ERBB4: variants seen among roughly 807,000 people sequenced by gnomAD.
The protein encoded by ERBB4 is receptor tyrosine-protein kinase erbB-4.
In ERBB4, 42 loss-of-function variants were observed where a neutral mutation model predicts 158.0. The ratio of observed to expected loss-of-function variants is 0.27; its 90% CI spans 0.21 to 0.34. ERBB4 has a LOEUF of 0.34. Ranked by LOEUF, ERBB4 falls within the 10% of genes least tolerant of loss-of-function variation. The pLI, the probability that ERBB4 is intolerant of heterozygous loss-of-function variation, is 1.00. For synonymous variants in ERBB4, 583 were observed against 558.7 expected, an observed-to-expected ratio of 1.04 and a Z score of -0.61; for missense variants, 1,333 against 1,624.1, an observed-to-expected ratio of 0.82 and a Z score of 3.08.
intron 12 of ERBB4, among the ~76,000 whole-genome samples, chr2:211,689,645 A>G (rs191356832): frequency 1.3e-5 from 2 of 152,352 alleles, no homozygotes; most frequent in East Asian, 3.9e-4. Context: ...AATTCTATAT[A>G]ATAGACAAAG....
chr2:211,534,415 T>A (rs1476633779), intron 20 of ERBB4, among the ~76,000 whole-genome samples: 1 of 152,084 alleles, frequency 6.6e-6, no homozygotes, highest in Non-Finnish European at 1.5e-5. Context: ...TCTTCAAGAA[T>A]CTCCTTTGGA....
chr2:211,858,853 G>A (rs1036311125), intron 3 of ERBB4, among the ~76,000 whole-genome samples: 8 of 152,002 alleles, frequency 5.3e-5, no homozygotes, highest in Non-Finnish European at 7.4e-5. Flanking sequence ...TGCGATCTCC[G>A]CTCACTGCAA....
chr2:212,093,788 A>G (rs928780742), intron 2 of ERBB4, among the ~76,000 whole-genome samples: 3 of 152,202 alleles, frequency 2.0e-5, no homozygotes, highest in Non-Finnish European at 4.4e-5. Flanking sequence ...TTATCATGCC[A>G]TTTGATTGCT....
At chr2:211,506,756 T>C (rs116005687) in intron 20 of ERBB4, among the ~76,000 whole-genome samples, 2,714 of 152,126 alleles carry the variant, frequency 0.018, 99 homozygotes, top group African/African-American at 0.062. Flanking sequence ...GCAAAAGTAT[T>C]GCTAAGAGGA....
intron 1 of ERBB4, among the ~76,000 whole-genome samples, chr2:212,299,384 T>C (rs2086537372): frequency 6.6e-6 from 1 of 151,700 alleles, no homozygotes; most frequent in African/African-American, 2.4e-5. Flanking sequence ...AAACAATTTA[T>C]GGGAAGGTTT....
At position 212,215,753 on chromosome 2, in the gene ERBB4, T is replaced by C. The variant is rs555370094; in HGVS notation, c.83-90850A>G. On this transcript the variant is annotated intron_variant, in intron 1 of 27. Transcript: ENST00000342788. ...ATTAGCAATTTGATGCAAGTATAGC[T>C]TGCATATATTATAATTATCTAACAT... Among the ~76,000 whole-genome samples, 6 of 151,542 alleles carry C rather than the reference T, an allele frequency of 4.0e-5. No homozygotes were observed. In the South Asian group the frequency reaches 1.0e-3, roughly 26 times the overall value.
intron 1 of ERBB4, among the ~76,000 whole-genome samples, chr2:212,140,846 AGTGTGTGT>A (rs35461019): frequency 0.024 from 3,204 of 131,710 alleles, 118 homozygotes; most frequent in African/African-American, 0.083. Flanking sequence ...AGGAAACATG[AGTGTGTGT>A]GTGTGTGTGT....
intron 5 of ERBB4, among the ~76,000 whole-genome samples, chr2:211,734,909 CAAAA>C (rs570006497): frequency 4.0e-4 from 28 of 69,284 alleles, no homozygotes; most frequent in African/African-American, 1.6e-3. Flanking sequence ...GAGACTCTGT[CAAAA>C]AAAAAAAAAA....
intron 3 of ERBB4, among the ~76,000 whole-genome samples, chr2:211,911,261 C>T (rs1332832515): frequency 6.6e-6 from 1 of 152,128 alleles, no homozygotes; most frequent in East Asian, 1.9e-4. Flanking sequence ...CATTCTGCTA[C>T]TTTTCATAAC....
chr2:211,419,757 T>C (rs1360383418), intron 25 of ERBB4, among the ~76,000 whole-genome samples: 2 of 152,084 alleles, frequency 1.3e-5, no homozygotes, highest in Non-Finnish European at 2.9e-5. Flanking sequence ...TCAATATATG[T>C]TGAATGTATG....
At chr2:211,746,885 T>C (rs940931483) in intron 5 of ERBB4, among the ~76,000 whole-genome samples, 1 of 151,660 alleles carries the variant, frequency 6.6e-6, no homozygotes, top group East Asian at 1.9e-4. Flanking sequence ...ATCGTGTTTC[T>C]TATGGAACCT....
At chr2:211,628,990 A>G (rs1227833966) in intron 17 of ERBB4, among the ~76,000 whole-genome samples, 2 of 152,144 alleles carry the variant, frequency 1.3e-5, no homozygotes, top group Non-Finnish European at 1.5e-5. Flanking sequence ...GTCTGTTCAT[A>G]TACTTTGCAC....
At chr2:211,596,206 T>C (rs964813699) in intron 19 of ERBB4, among the ~76,000 whole-genome samples, 2 of 151,728 alleles carry the variant, frequency 1.3e-5, no homozygotes, top group Non-Finnish European at 2.9e-5. Context: ...AATGCAATTA[T>C]AGACTTCACA....
chr2:211,533,592 G>T (rs947213659), intron 20 of ERBB4, among the ~76,000 whole-genome samples: 1 of 151,924 alleles, frequency 6.6e-6, no homozygotes, highest in African/African-American at 2.4e-5. Context: ...TCAGAAAATG[G>T]TGTGCTACTT....
intron 1 of ERBB4, among the ~76,000 whole-genome samples, chr2:212,148,732 A>G (rs1354143466): frequency 2.0e-5 from 3 of 150,660 alleles, no homozygotes; most frequent in Non-Finnish European, 1.5e-5. Flanking sequence ...TTATTGCGGC[A>G]TTATTCACAA....
At chr2:211,550,458 A>T (rs2067057435) in intron 20 of ERBB4, among the ~76,000 whole-genome samples, 1 of 151,366 alleles carries the variant, frequency 6.6e-6, no homozygotes, top group East Asian at 1.9e-4. Flanking sequence ...AATGACGAGG[A>T]AAATTTGTCT....
At chr2:211,488,356 A>T (rs57886952) in intron 20 of ERBB4, among the ~76,000 whole-genome samples, 13,653 of 152,110 alleles carry the variant, frequency 0.09, 656 homozygotes, top group African/African-American at 0.14. Flanking sequence ...TTATGTATAC[A>T]TTCATGTATT....
chr2:211,957,307 GA>G (rs1269606205), intron 2 of ERBB4, among the ~76,000 whole-genome samples: 1 of 151,998 alleles, frequency 6.6e-6, no homozygotes, highest in Non-Finnish European at 1.5e-5. Context: ...GACATGACAA[GA>G]AAAAAGACCA....
chr2:212,480,634 G>A (rs1260168821), intron 1 of ERBB4, among the ~76,000 whole-genome samples: 1 of 152,176 alleles, frequency 6.6e-6, no homozygotes, highest in Admixed American at 6.5e-5. Context: ...TGTTGCTTGT[G>A]CCAATAGCAG....
Sources: gnomAD v4.1 joint callset for allele counts (sites outside exome capture counted in the v4.1 genomes callset) on GRCh38, gnomAD v4.1.1 for gene constraint, MANE v1.5 for transcripts, NCBI Gene and HGNC (gene_info 2026-07-23, HGNC 2026-07-21) for gene names.